Variants in PTPRM observed in about 807,000 individuals in gnomAD.
PTPRM encodes protein tyrosine phosphatase receptor type M, also known as receptor-type tyrosine-protein phosphatase mu.
A neutral mutation model predicts 186.7 loss-of-function variants in PTPRM; 47 were observed. That is an observed-to-expected ratio of 0.25 (90% CI 0.20 to 0.32). PTPRM has a LOEUF of 0.32. Among genes scored for constraint, PTPRM ranks in the 10% least tolerant of loss-of-function variants. PTPRM has a pLI of 1.00. For missense variants in PTPRM, 1,494 were observed against 1,865.0 expected (o/e 0.80, Z 3.66); for synonymous variants, 668 against 674.9 (o/e 0.99, Z 0.16).
intron 14 of PTPRM, among the ~76,000 whole-genome samples, chr18:8,206,550 G>C (rs1185344683): frequency 6.6e-6 from 1 of 152,064 alleles, no homozygotes; most frequent in African/African-American, 2.4e-5. Context: ...GCCTGGCCCT[G>C]AATGTTTTAA....
At chr18:8,076,866 T>C (rs1159031214) in intron 9 of PTPRM, among the ~76,000 whole-genome samples, 1 of 152,152 alleles carries the variant, frequency 6.6e-6, no homozygotes, top group African/African-American at 2.4e-5. Flanking sequence ...TTTTGAAACA[T>C]GCATTGATTA....
chr18:7,612,932 C>T (rs1341354967), intron 1 of PTPRM, among the ~76,000 whole-genome samples: 1 of 152,146 alleles, frequency 6.6e-6, no homozygotes, highest in Non-Finnish European at 1.5e-5. Context: ...ACTCATGCTC[C>T]CAGCTCCTAT....
intron 7 of PTPRM, among the ~76,000 whole-genome samples, chr18:7,986,359 T>C (rs924668980): frequency 6.6e-6 from 1 of 152,224 alleles, no homozygotes; most frequent in Non-Finnish European, 1.5e-5. Context: ...TATTTTGTAC[T>C]GTATGGTTCT....
intron 1 of PTPRM, among the ~76,000 whole-genome samples, chr18:7,597,303 G>A (rs2037290732): frequency 6.6e-6 from 1 of 152,144 alleles, no homozygotes; most frequent in African/African-American, 2.4e-5. Context: ...GTGTGAAGTG[G>A]GGCTGGTGAG....
intron 1 of PTPRM, among the ~76,000 whole-genome samples, chr18:7,709,337 A>G (rs2040162706): frequency 1.3e-5 from 2 of 152,200 alleles, no homozygotes; most frequent in South Asian, 4.1e-4. Context: ...CAAGGTGGAA[A>G]TTAAAAAATT....
intron 1 of PTPRM, among the ~76,000 whole-genome samples, chr18:7,729,889 C>G (rs1481572442): frequency 6.6e-6 from 1 of 152,062 alleles, no homozygotes; most frequent in Admixed American, 6.6e-5. Context: ...TTTATACATT[C>G]CGTGTTGAAG....
intron 1 of PTPRM, among the ~76,000 whole-genome samples, chr18:7,698,948 G>T (rs1320142021): frequency 2.6e-5 from 4 of 151,954 alleles, no homozygotes; most frequent in African/African-American, 7.3e-5. Flanking sequence ...TAAATCAGGG[G>T]TCCCCAACCC....
At chr18:8,045,550 A>G (rs1458279207) in intron 7 of PTPRM, among the ~76,000 whole-genome samples, 2 of 152,204 alleles carry the variant, frequency 1.3e-5, no homozygotes, top group Non-Finnish European at 2.9e-5. Flanking sequence ...GTGCTGAGTA[A>G]AAGGAAGCCA....
intron 1 of PTPRM, among the ~76,000 whole-genome samples, chr18:7,591,880 C>T (rs1445023851): frequency 6.6e-6 from 1 of 152,132 alleles, no homozygotes; most frequent in Non-Finnish European, 1.5e-5. Flanking sequence ...GCTGGCTGTG[C>T]AATTGAGAAG....
intron 30 of PTPRM, 110 bp downstream of exon 30, chr18:8,384,796 A>G (rs2095761122): frequency 3.5e-6 from 5 of 1,409,104 alleles, no homozygotes; most frequent in Admixed American, 4.0e-5. Context: ...AGTTTGGAGT[A>G]TGTCAGTGAA....
intron 1 of PTPRM, among the ~76,000 whole-genome samples, chr18:7,585,929 G>A (rs1226352435): frequency 6.6e-6 from 1 of 152,204 alleles, no homozygotes; most frequent in Non-Finnish European, 1.5e-5. Flanking sequence ...GTGTGTAAAT[G>A]TGTAATAACA....
At chr18:8,047,875 T>C (rs937103831) in intron 7 of PTPRM, among the ~76,000 whole-genome samples, 3 of 152,142 alleles carry the variant, frequency 2.0e-5, no homozygotes, top group Non-Finnish European at 4.4e-5. Context: ...CAAAGTTAAT[T>C]TGGAAAGGAA....
chr18:8,377,517 T>C (rs1374713237), intron 26 of PTPRM: 1 of 152,224 alleles, frequency 6.6e-6, no homozygotes, highest in African/African-American at 2.4e-5. Context: ...AGGTGTTGTT[T>C]ACTGGTAGTG....
At chr18:8,387,376 T>A in intron 31 of PTPRM, 141 bp downstream of exon 31, 1 of 871,438 alleles carries the variant, frequency 1.1e-6, no homozygotes, top group Non-Finnish European at 1.7e-6. Context: ...TGACACTCAG[T>A]GAGGGATTGG....
intron 13 of PTPRM, among the ~76,000 whole-genome samples, chr18:8,126,064 A>C (rs2092355512): frequency 7.2e-6 from 1 of 138,464 alleles, no homozygotes; most frequent in African/African-American, 2.7e-5. Context: ...CAAATAAAAC[A>C]AATCCTAGGT....
rs117470305 is a variant in PTPRM at position 8,328,517 on chromosome 18, A to G, written c.2956+9303A>G. ...TGCTTCCTGGCAAAGTTGTTCCTGC[A>G]TTGTCAGTGAGTTGTAGGTTATGTT... On this transcript the variant is annotated intron_variant, in intron 22 of 32. Transcript: ENST00000580170. 7.0e-4 allele frequency among the ~76,000 whole-genome samples: 106 copies of G among 152,314 alleles called. 1 individual carries two copies. In the East Asian group the frequency reaches 0.019, roughly 27 times the overall value.
chr18:7,956,912 G>T (rs1379046389), intron 7 of PTPRM, among the ~76,000 whole-genome samples: 1 of 152,180 alleles, frequency 6.6e-6, no homozygotes, highest in Non-Finnish European at 1.5e-5. Flanking sequence ...TCCAGGGCAG[G>T]TTCTTTGATC....
intron 23 of PTPRM, chr18:8,364,932 C>G (rs1480734876): frequency 1.3e-5 from 2 of 152,242 alleles, no homozygotes; most frequent in Non-Finnish European, 2.9e-5. Flanking sequence ...CAGACTCCTT[C>G]CTGTGGATGG....
At chr18:7,688,974 T>A (rs1483589367) in intron 1 of PTPRM, among the ~76,000 whole-genome samples, 2 of 152,176 alleles carry the variant, frequency 1.3e-5, no homozygotes, top group African/African-American at 4.8e-5. Context: ...AGCATACTGA[T>A]CTAGCTTTAA....
Sources: allele counts gnomAD v4.1 joint callset (sites outside exome capture counted in the v4.1 genomes callset), GRCh38; gene constraint gnomAD v4.1.1; transcripts MANE v1.5; gene names NCBI Gene and HGNC (gene_info 2026-07-23, HGNC 2026-07-21).